MYO5B: variants seen among roughly 807,000 people sequenced by gnomAD.
MYO5B encodes the protein myosin VB, also known as unconventional myosin-Vb.
MYO5B carries 143 observed loss-of-function variants against 229.3 expected under a neutral mutation model. That is an observed-to-expected ratio of 0.62 (90% CI 0.54 to 0.72). MYO5B has a LOEUF of 0.72. MYO5B is among the 30% of genes least tolerant of loss of function. The pLI, the probability that MYO5B is intolerant of heterozygous loss-of-function variation, is 0.00. For synonymous variants in MYO5B, 918 were observed against 885.2 expected, an observed-to-expected ratio of 1.04 and a Z score of -0.66; for missense variants, 2,321 against 2,331.0, an observed-to-expected ratio of 1.00 and a Z score of 0.09.
intron 39 of MYO5B, among the ~76,000 whole-genome samples, chr18:49,834,944 A>T (rs181063722): frequency 6.6e-6 from 1 of 152,192 alleles, no homozygotes; most frequent in Non-Finnish European, 1.5e-5. Context: ...GGCCTATATT[A>T]TAAGTCTTAG....
At chr18:50,181,946 A>G (rs78595862) in intron 1 of MYO5B, among the ~76,000 whole-genome samples, 7 of 152,176 alleles carry the variant, frequency 4.6e-5, no homozygotes, top group Non-Finnish European at 1.0e-4. Context: ...ATGGGATAAG[A>G]TAAGGCAATT....
intron 19 of MYO5B, among the ~76,000 whole-genome samples, chr18:49,905,734 C>A (rs568151279): frequency 6.6e-6 from 1 of 152,146 alleles, no homozygotes; most frequent in Non-Finnish European, 1.5e-5. Flanking sequence ...ACCTAACAAC[C>A]GAGGGTAGGG....
In MYO5B at chr18:49,947,406, T is replaced by C. The variant is rs141501748; in HGVS notation, c.1752+5854A>G. 2.6e-5 allele frequency among the ~76,000 whole-genome samples: 4 copies of C among 152,264 alleles called. No homozygotes were observed. The East Asian group carries it at 7.7e-4, about 29-fold the overall frequency. ...AGGCGTGAGCCACCGCACCCAGCCG[T>C]AGTCACCAAGCTCTTACTTGACAAA... On this transcript the variant is annotated intron_variant, in intron 14 of 39. Transcript: ENST00000285039.
At chr18:50,054,176 C>T (rs1157362557) in intron 2 of MYO5B, among the ~76,000 whole-genome samples, 1 of 152,170 alleles carries the variant, frequency 6.6e-6, no homozygotes, top group Non-Finnish European at 1.5e-5. Flanking sequence ...GGACACCCTA[C>T]TCTTGGTCAC....
At chr18:50,130,787 G>C (rs2032242967) in intron 1 of MYO5B, among the ~76,000 whole-genome samples, 1 of 152,130 alleles carries the variant, frequency 6.6e-6, no homozygotes, top group South Asian at 2.1e-4. Context: ...ATTTGCAAAA[G>C]ACTCGTTTTA....
Position 49,853,470 on chromosome 18 carries a change from G to C in MYO5B, c.4200C>G (p.Ser1400=), listed in dbSNP as rs1219013100. 6.2e-7 allele frequency: 1 copy of C among 1,613,728 alleles called. No homozygotes were observed. Among genetic ancestry groups the C allele is most frequent in the African/African-American group, 1.3e-5 (1 of 74,844 alleles). The part of the protein sequence containing the change: ...QVEFGVQQEI[S]RLTNENLDLK... ...CCACCAGATTCTCGTTGGTCAGCCG[G>C]GATATTTCCTGCTGAACGCCGAATT... Residue 1400 remains serine, a synonymous_variant, in exon 31 of 40, where the codon TCC becomes TCG. Coordinates refer to ENST00000285039, the MANE Select transcript of MYO5B (RefSeq NM_001080467.3).
chr18:49,894,118 C>T (rs931558328), intron 22 of MYO5B, among the ~76,000 whole-genome samples: 1 of 152,216 alleles, frequency 6.6e-6, no homozygotes, highest in Non-Finnish European at 1.5e-5. Context: ...GCCCTTCCTG[C>T]AGCAGCATCC....
At chr18:50,158,153 A>T (rs999835921) in intron 1 of MYO5B, among the ~76,000 whole-genome samples, 1 of 152,206 alleles carries the variant, frequency 6.6e-6, no homozygotes, top group Non-Finnish European at 1.5e-5. Context: ...ATGAGTTTGG[A>T]GTCATCAATA....
chr18:49,838,111 G>C (rs147979746), intron 36 of MYO5B, among the ~76,000 whole-genome samples: 2 of 152,234 alleles, frequency 1.3e-5, no homozygotes, highest in East Asian at 3.9e-4. Flanking sequence ...GAGCAACCTG[G>C]GTGTCATCCT....
At chr18:49,959,048 C>A (rs2025527294) in intron 12 of MYO5B, among the ~76,000 whole-genome samples, 1 of 152,194 alleles carries the variant, frequency 6.6e-6, no homozygotes, top group South Asian at 2.1e-4. Flanking sequence ...TCCCTACTTT[C>A]CAACCTTACC....
chr18:50,034,039 CA>C (rs2026420837), intron 4 of MYO5B, among the ~76,000 whole-genome samples: 1 of 152,028 alleles, frequency 6.6e-6, no homozygotes. Flanking sequence ...ATCCAGTCCC[CA>C]GTGAATCAAG....
Position 49,858,453 on chromosome 18 carries a change from C to T in MYO5B, c.3945-1563G>A, listed in dbSNP as rs550763406. On this transcript the variant is annotated intron_variant, in intron 29 of 39. Transcript: ENST00000285039. Reference sequence around the variant, plus strand: ...CCTCCTTTCCCACACCAGAGAGACACTGACTCCTGCGCCAGGACCCAGGGT... The same window carrying T: ...CCTCCTTTCCCACACCAGAGAGACATTGACTCCTGCGCCAGGACCCAGGGT... 3.0e-3 allele frequency among the ~76,000 whole-genome samples: 461 copies of T among 152,344 alleles called. 2 individuals carry two copies. The highest frequency in any genetic ancestry group is 5.6e-3 in the Non-Finnish European group (381 of 68,028).
Position 49,824,650 on chromosome 18 carries a change from A to G in MYO5B, c.*1821T>C, listed in dbSNP as rs1048486409. 5.3e-5 allele frequency: 8 copies of G among 152,198 alleles called. No homozygotes were observed. Among genetic ancestry groups the G allele is most frequent in the African/African-American group, 1.4e-4 (6 of 41,442 alleles). The allele number at this position is 152,198 out of a possible 1,614,324, so 9.4% of individuals were successfully genotyped here. On this transcript the variant is annotated 3_prime_UTR_variant, in exon 40 of 40. Coordinates refer to ENST00000285039, the MANE Select transcript of MYO5B (RefSeq NM_001080467.3). Reference sequence around the variant, plus strand: ...ACTAAAGTGCATTAAAAAACAAATTATCCTTCACAAACAACTTTAAAGAGG... The same window carrying G: ...ACTAAAGTGCATTAAAAAACAAATTGTCCTTCACAAACAACTTTAAAGAGG...
chr18:50,083,037 C>T (rs2031254919), intron 1 of MYO5B, among the ~76,000 whole-genome samples: 1 of 152,198 alleles, frequency 6.6e-6, no homozygotes, highest in African/African-American at 2.4e-5. Context: ...CCGGGAGTTC[C>T]CATGACCCTT....
rs966621033 is a variant in MYO5B, at chr18:50,021,209, T to G, written c.455+15641A>C. ...CAGGGCCTCCGAGGAGATCCTGCCA[T>G]GCCACAGCTGTGAAAACCTCCCACT... On this transcript the variant is annotated intron_variant, in intron 4 of 39. Coordinates refer to ENST00000285039, the MANE Select transcript of MYO5B (RefSeq NM_001080467.3). Among the ~76,000 whole-genome samples the G allele has an allele frequency of 3.3e-5, 5 of 152,182 alleles. No individual in the cohort carries two copies. In the East Asian group the frequency reaches 9.6e-4, roughly 29 times the overall value.
At chr18:49,929,196 C>G (rs2025161962) in intron 17 of MYO5B, among the ~76,000 whole-genome samples, 1 of 152,112 alleles carries the variant, frequency 6.6e-6, no homozygotes, top group African/African-American at 2.4e-5. Context: ...GTAAAGGGGA[C>G]AAGGTAGGAA....
chr18:49,915,841 C>T (rs1356219507), intron 17 of MYO5B, among the ~76,000 whole-genome samples: 1 of 152,210 alleles, frequency 6.6e-6, no homozygotes, highest in Non-Finnish European at 1.5e-5. Context: ...GCCAGCATGG[C>T]TGAATTTCTC....
At chr18:50,018,280 A>G (rs914065904) in intron 4 of MYO5B, among the ~76,000 whole-genome samples, 2 of 102,026 alleles carry the variant, frequency 2.0e-5, no homozygotes, top group Admixed American at 1.4e-4. Flanking sequence ...GCTTGCTCAT[A>G]CATATACCCA....
Position 50,154,961 on chromosome 18 carries a change from T to C in MYO5B, c.27+39806A>G, listed in dbSNP as rs149747130. On this transcript the variant is annotated intron_variant, in intron 1 of 39. Transcript: ENST00000285039. ...CTGTTTGCCTTCAAGGTATTTTTCA[T>C]GTTACACAAGGTAGCACCACAGACT... Among the ~76,000 whole-genome samples the C allele has an allele frequency of 5.2e-3, 794 of 152,338 alleles. 10 individuals are homozygous for C. The highest frequency in any genetic ancestry group is 0.016 in the African/African-American group (671 of 41,578).
Sources: gnomAD v4.1 joint callset for allele counts (sites outside exome capture counted in the v4.1 genomes callset) on GRCh38, gnomAD v4.1.1 for gene constraint, MANE v1.5 for transcripts, NCBI Gene and HGNC (gene_info 2026-07-23, HGNC 2026-07-21) for gene names.